Variants in UBE4B observed in about 807,000 individuals in gnomAD.
The protein encoded by UBE4B is ubiquitination factor E4B.
UBE4B carries 27 observed loss-of-function variants against 148.1 expected under a neutral mutation model. The ratio of observed to expected loss-of-function variants is 0.18; its 90% confidence interval spans 0.13 to 0.25. UBE4B has a LOEUF of 0.25. Among genes scored for constraint, UBE4B ranks in the 10% least tolerant of loss-of-function variants. UBE4B has a pLI of 1.00. For missense variants in UBE4B, 1,170 were observed against 1,662.4 expected, an observed-to-expected ratio of 0.70 and a Z score of 5.15; for synonymous variants, 596 against 619.3, an observed-to-expected ratio of 0.96 and a Z score of 0.56.
In UBE4B at chr1:10,106,341, A is replaced by T; in HGVS notation, c.954A>T (p.Gly318=). The T allele has an allele frequency of 1.2e-6, 2 of 1,613,934 alleles. No individual in the cohort carries two copies. The highest frequency in any genetic ancestry group is 1.3e-5 in the African/African-American group (1 of 75,004). The change falls in exon 7 of 28, where the codon GGA becomes GGT. Residue 318 remains glycine, a synonymous_variant. Coordinates refer to ENST00000343090, the MANE Select transcript of UBE4B (RefSeq NM_001105562.3). The surrounding 1 kb of genome is among the most constrained non-coding windows in gnomAD (Gnocchi z 4.2). ...TPLSPHSAAS[G]TAAGSQPSSP... ...TCAGTCCTCACAGTGCAGCCTCTGGAACTGCTGCGGGAAGCCAGCCTTCAT... is the reference window on the plus strand; with the variant it reads ...TCAGTCCTCACAGTGCAGCCTCTGGTACTGCTGCGGGAAGCCAGCCTTCAT...
At chr1:10,120,168 A>T (rs1645385883) in intron 9 of UBE4B, among the ~76,000 whole-genome samples, 1 of 152,120 alleles carries the variant, frequency 6.6e-6, no homozygotes, top group African/African-American at 2.4e-5. Context: ...GCAAGTTTTT[A>T]AAAAGGATGT....
chr1:10,081,911 C>T (rs1436928756), intron 2 of UBE4B, among the ~76,000 whole-genome samples: 2 of 152,248 alleles, frequency 1.3e-5, no homozygotes, highest in Non-Finnish European at 2.9e-5. Context: ...GACAAGTTCT[C>T]ACTATGTTAC....
At chr1:10,054,071 T>TA (rs1557514789) in intron 1 of UBE4B, among the ~76,000 whole-genome samples, 6 of 151,948 alleles carry the variant, frequency 3.9e-5, no homozygotes, top group Non-Finnish European at 7.4e-5. Flanking sequence ...TAGATTTTTT[T>TA]TAAAAAAAAA....
intron 2 of UBE4B, among the ~76,000 whole-genome samples, chr1:10,073,394 T>G (rs533227819): frequency 6.6e-6 from 1 of 152,276 alleles, no homozygotes; most frequent in African/African-American, 2.4e-5. Context: ...TTGAACTAAT[T>G]GAAAACTTTT....
In UBE4B at chr1:10,044,671, G is replaced by T. The variant is rs1046524703; in HGVS notation, c.24+10977G>T. On this transcript the variant is annotated intron_variant, in intron 1 of 27. Coordinates refer to ENST00000343090, the MANE Select transcript of UBE4B (RefSeq NM_001105562.3). ...GATCTCAGCTCACTGTAACTCCACC[G>T]CTTGGGCTCAAGCGATCCTCCCACC... Among the ~76,000 whole-genome samples the T allele has an allele frequency of 4.8e-4, 73 of 151,646 alleles. 1 individual carries two copies. The highest frequency in any genetic ancestry group is 6.3e-4 in the Non-Finnish European group (43 of 67,914).
Position 10,077,382 on chromosome 1 carries a change from T to C in UBE4B, c.211+5168T>C, listed in dbSNP as rs190832240. Among the ~76,000 whole-genome samples the C allele has an allele frequency of 7.9e-5, 12 of 152,330 alleles. No individual in the cohort carries two copies. The East Asian group carries it at 2.3e-3, about 29-fold the overall frequency. On this transcript the variant is annotated intron_variant, in intron 2 of 27. Transcript: ENST00000343090. ...ACAGCCACTGGATTAGGGACCACCG[T>C]AATTGAGTATGAGCTTATTTTAACT... is the stretch of plus-strand genomic sequence containing the variant.
intron 20 of UBE4B, among the ~76,000 whole-genome samples, chr1:10,150,279 C>T (rs1645947881): frequency 1.3e-5 from 2 of 152,058 alleles, no homozygotes; most frequent in Admixed American, 6.6e-5. Flanking sequence ...AAAAGTGACT[C>T]AAAAACGTGG....
chr1:10,099,596 G>GT (rs1644977871), intron 3 of UBE4B, among the ~76,000 whole-genome samples: 1 of 152,168 alleles, frequency 6.6e-6, no homozygotes, highest in African/African-American at 2.4e-5. Flanking sequence ...TCCCGGGAGG[G>GT]TTTTTAAGGA....
chr1:10,075,754 A>G (rs1263501190), intron 2 of UBE4B, among the ~76,000 whole-genome samples: 1 of 152,234 alleles, frequency 6.6e-6, no homozygotes. Flanking sequence ...GACAGGTTAC[A>G]TCTATTCTCT....
At chr1:10,092,078 A>G (rs902271836) in intron 2 of UBE4B, among the ~76,000 whole-genome samples, 1 of 151,996 alleles carries the variant, frequency 6.6e-6, no homozygotes, top group Non-Finnish European at 1.5e-5. Context: ...AAGGAGAGAA[A>G]TGGGTTATGG....
At chr1:10,090,516 A>G (rs982935677) in intron 2 of UBE4B, among the ~76,000 whole-genome samples, 18 of 152,126 alleles carry the variant, frequency 1.2e-4, no homozygotes, top group African/African-American at 4.1e-4. Context: ...CTTATCTGTA[A>G]AAGAGGAGGG....
chr1:10,073,327 G>A lies in UBE4B; in HGVS notation c.211+1113G>A, dbSNP rs544204308. 2.0e-5 allele frequency among the ~76,000 whole-genome samples: 3 copies of A among 152,236 alleles called. No homozygotes were observed. In the South Asian group the frequency reaches 6.2e-4, roughly 32 times the overall value. On this transcript the variant is annotated intron_variant, in intron 2 of 27. Coordinates refer to ENST00000343090, the MANE Select transcript of UBE4B (RefSeq NM_001105562.3). ...CTTGCTTATTTAAACCAGGATCTTGGTTAAATCCCATTCCCCACCTACACT... is the reference window on the plus strand; with the variant it reads ...CTTGCTTATTTAAACCAGGATCTTGATTAAATCCCATTCCCCACCTACACT...
chr1:10,065,677 G>A lies in UBE4B; in HGVS notation c.25-6351G>A, dbSNP rs545014982. Among the ~76,000 whole-genome samples, 5 of 152,190 alleles carry A rather than the reference G, an allele frequency of 3.3e-5. No homozygotes were observed. In the East Asian group the frequency reaches 9.7e-4, roughly 29 times the overall value. On this transcript the variant is annotated intron_variant, in intron 1 of 27. Transcript: ENST00000343090. ...CTTGGAGTGAAGACGTTATGGAGCA[G>A]GGCTACACTTTCATCTGAATGTTTT...
At chr1:10,049,402 G>T (rs1258322754) in intron 1 of UBE4B, among the ~76,000 whole-genome samples, 1 of 151,992 alleles carries the variant, frequency 6.6e-6, no homozygotes, top group Non-Finnish European at 1.5e-5. Context: ...GTAGGGAGGG[G>T]ACTGGGAAGA....
intron 14 of UBE4B, 141 bp downstream of exon 14, chr1:10,130,954 A>ATAAG: frequency 1.5e-6 from 1 of 688,546 alleles, no homozygotes; most frequent in Non-Finnish European, 2.5e-6. Flanking sequence ...AAGATAAACT[A>ATAAG]TAAGTAAGTA....
intron 10 of UBE4B, among the ~76,000 whole-genome samples, chr1:10,126,353 A>AGATG (rs1290707416): frequency 2.0e-5 from 3 of 150,482 alleles, no homozygotes; most frequent in Non-Finnish European, 4.4e-5. Flanking sequence ...ATAGATAGAT[A>AGATG]GAAAGGAGGA....
intron 19 of UBE4B, among the ~76,000 whole-genome samples, chr1:10,148,711 G>A (rs1173306047): frequency 3.4e-5 from 5 of 146,476 alleles, no homozygotes; most frequent in Non-Finnish European, 7.5e-5. Context: ...AGGCCAAGAT[G>A]GGTGGATCAC....
At chr1:10,089,107 A>C (rs957154166) in intron 2 of UBE4B, among the ~76,000 whole-genome samples, 5 of 152,172 alleles carry the variant, frequency 3.3e-5, no homozygotes, top group African/African-American at 1.2e-4. Flanking sequence ...CCCAGGTTCC[A>C]GTGATTCTGC....
intron 1 of UBE4B, among the ~76,000 whole-genome samples, chr1:10,055,273 T>TTTTTCTTTTCTTTTCTTTTCTTTTC (rs539556768): frequency 3.6e-4 from 54 of 151,754 alleles, no homozygotes; most frequent in African/African-American, 1.3e-3. Flanking sequence ...TTTTCATCAT[T>TTTTTCTTTTCTTTTCTTTTCTTTTC]TTTTCTTTTC....
Sources: gnomAD v4.1 joint callset for allele counts (sites outside exome capture counted in the v4.1 genomes callset) on GRCh38, gnomAD v4.1.1 for gene constraint, Gnocchi (gnomAD v3.1) non-coding constraint, MANE v1.5 for transcripts, NCBI Gene and HGNC (gene_info 2026-07-23, HGNC 2026-07-21) for gene names.